The following CLPB variants were observed in gnomAD, a reference collection of about 807,000 sequenced individuals.
The protein encoded by CLPB is ClpB family mitochondrial disaggregase.
CLPB carries 40 observed loss-of-function variants against 78.4 expected under a neutral mutation model. That is an observed-to-expected ratio of 0.51 (90% confidence interval 0.40 to 0.66). CLPB has a LOEUF of 0.66. CLPB is among the 30% of genes least tolerant of loss of function. The pLI, the probability that CLPB is intolerant of heterozygous loss-of-function variation, is 0.00. For missense variants in CLPB, 780 were observed against 886.9 expected (o/e 0.88, Z 1.53); for synonymous variants, 333 against 348.0 (o/e 0.96, Z 0.48).
intron 3 of CLPB, among the ~76,000 whole-genome samples, chr11:72,385,587 C>T (rs1208352918): frequency 6.6e-6 from 1 of 152,176 alleles, no homozygotes; most frequent in Non-Finnish European, 1.5e-5. Flanking sequence ...CTTTGGGAGG[C>T]CAAGATAGCT....
rs76888374 is a variant in CLPB at position 72,303,439 on chromosome 11, G to A, written c.1123-1091C>T. Among the ~76,000 whole-genome samples, 475 of 152,336 alleles carry A rather than the reference G, an allele frequency of 3.1e-3. 5 individuals are homozygous for A. The highest frequency in any genetic ancestry group is 0.011 in the African/African-American group (454 of 41,580). ...CTACAGCTGAGACACAGGGTGGCAA[G>A]AAGAACCCTGGGCTGGGAGCCAGGG... On this transcript the variant is annotated intron_variant, in intron 9 of 15. Transcript: ENST00000538039.
At chr11:72,352,340 T>C (rs1177812922) in intron 5 of CLPB, 2 of 152,252 alleles carry the variant, frequency 1.3e-5, no homozygotes, top group East Asian at 1.9e-4. Context: ...TGATTTTCCA[T>C]TGCAGGATAA....
chr11:72,401,503 G>A (rs559118288), intron 3 of CLPB, among the ~76,000 whole-genome samples: 1 of 152,242 alleles, frequency 6.6e-6, no homozygotes, highest in African/African-American at 2.4e-5. Flanking sequence ...TGGAGCTAAA[G>A]AGAGCAAATC....
At chr11:72,348,967 G>A (rs555401842) in intron 5 of CLPB, among the ~76,000 whole-genome samples, 31 of 152,346 alleles carry the variant, frequency 2.0e-4, no homozygotes, top group South Asian at 1.0e-3. Context: ...AGAACTACAT[G>A]TTATGGTAAA....
At chr11:72,402,722 T>C (rs572283196) in intron 3 of CLPB, among the ~76,000 whole-genome samples, 3 of 152,304 alleles carry the variant, frequency 2.0e-5, no homozygotes, top group Admixed American at 2.0e-4. Context: ...GCTACAACAA[T>C]GCAAATGACG....
chr11:72,293,983 G>A (rs1039286323), intron 15 of CLPB, 39 bp downstream of exon 15: 1 of 1,555,050 alleles, frequency 6.4e-7, no homozygotes, highest in Non-Finnish European at 8.8e-7. Context: ...TGGGGAGGGA[G>A]GTGTGGAGGC....
intron 3 of CLPB, among the ~76,000 whole-genome samples, chr11:72,388,196 G>A (rs1855140940): frequency 6.6e-6 from 1 of 151,770 alleles, no homozygotes; most frequent in Non-Finnish European, 1.5e-5. Context: ...GCCAAAGAGG[G>A]TAAGCATCCA....
intron 2 of CLPB, among the ~76,000 whole-genome samples, chr11:72,413,072 T>C (rs1195854918): frequency 6.6e-6 from 1 of 152,124 alleles, no homozygotes; most frequent in African/African-American, 2.4e-5. Flanking sequence ...GCGAGTCACC[T>C]GAGGTCGGGA....
intron 5 of CLPB, among the ~76,000 whole-genome samples, chr11:72,344,991 C>T (rs61893851): frequency 5.3e-4 from 80 of 152,298 alleles, no homozygotes; most frequent in Admixed American, 1.0e-3. Flanking sequence ...TACTATGTCT[C>T]ACCTTCATAT....
intron 2 of CLPB, among the ~76,000 whole-genome samples, chr11:72,404,041 G>A (rs1432277551): frequency 5.9e-5 from 9 of 152,132 alleles, no homozygotes; most frequent in African/African-American, 2.2e-4. Flanking sequence ...TTAAGGTCAC[G>A]CAGCTAGTTA....
At position 72,380,383 on chromosome 11, in the gene CLPB, C is replaced by T; in HGVS notation, c.544G>A (p.Val182Met). ...MVAAINRNNS[V>M]VQVLLAAGAD... ...CCAGCAGCAAGCAGGACCTGTACCA[C>T]ACTAGAAGAAATCACAAAGACAGAA... is the stretch of plus-strand genomic sequence containing the variant. Residue 182 changes from valine to methionine, a missense_variant and splice_region_variant, in exon 4 of 16, where the codon GTG becomes ATG. Physicochemically the swap from Val to Met is conservative, Grantham distance 21. Coordinates refer to ENST00000538039, the MANE Select transcript of CLPB (RefSeq NM_001258392.3). 3.7e-6 allele frequency: 6 copies of T among 1,613,260 alleles called. No homozygotes were observed. The highest frequency in any genetic ancestry group is 3.4e-6 in the Non-Finnish European group (4 of 1,179,220).
In CLPB at chr11:72,301,880, T is replaced by G; in HGVS notation, c.1252A>C (p.Asn418His). Residue 418 changes from asparagine (N) to histidine (H), a missense_variant, in exon 11 of 16, where the codon AAT (asparagine) becomes CAT (histidine). Asn to His is a moderately conservative substitution (Grantham distance 68). This residue lies in a region of CLPB where 91 missense variants were observed against 168.2 expected (regional missense o/e 0.54). Transcript: ENST00000538039. ...ACTTCATCAAAGAGCACCACAGCAT[T>G]GGGGCACTGCTTCAACTTCTTGGTC... ...QLTKKLKQCP[N>H]AVVLFDEVDK... is the part of the protein sequence containing the mutation. 1 of 1,614,158 alleles carries G rather than the reference T, an allele frequency of 6.2e-7. No individual in the cohort carries two copies.
chr11:72,337,979 T>G (rs1470821458), intron 5 of CLPB, among the ~76,000 whole-genome samples: 1 of 152,170 alleles, frequency 6.6e-6, no homozygotes. Flanking sequence ...AACCCCCCAG[T>G]GGACATGCTC....
Position 72,434,289 on chromosome 11 carries a change from C to G in CLPB, c.186G>C (p.Leu62Phe), listed in dbSNP as rs2135182181. 1 of 1,612,852 alleles carries G rather than the reference C, an allele frequency of 6.2e-7. No homozygotes were observed. The highest frequency in any genetic ancestry group is 8.5e-7 in the Non-Finnish European group (1 of 1,179,776). Residue 62 changes from leucine to phenylalanine, a missense_variant, in exon 1 of 16, where the codon TTG becomes TTC. Physicochemically the swap from Leu to Phe is conservative, Grantham distance 22. Around this residue, in one of 3 missense-constraint regions of CLPB, gnomAD observed 417 missense variants for 414.7 expected, o/e 1.01. Transcript: ENST00000538039. ...TGGRPGTSPA[L>F]FSGRGAATGG... ...CGGTGGCTGCCCCACGTCCGGAGAA[C>G]AAGGCCGGCGATGTTCCAGGGCGCC...
At chr11:72,433,627 G>A (rs972754223) in intron 1 of CLPB, among the ~76,000 whole-genome samples, 1 of 152,034 alleles carries the variant, frequency 6.6e-6, no homozygotes, top group Non-Finnish European at 1.5e-5. Context: ...GAGTCAGGTT[G>A]TTCCTGACTC....
intron 14 of CLPB, 79 bp from the exon 15 acceptor site, chr11:72,294,205 G>A: frequency 6.2e-7 from 1 of 1,605,324 alleles, no homozygotes; most frequent in African/African-American, 1.3e-5. Flanking sequence ...TGAGGCCAGG[G>A]CCACTGGCCC....
At chr11:72,408,241 T>C in intron 2 of CLPB, 1 of 1,418,394 alleles carries the variant, frequency 7.1e-7, no homozygotes, top group South Asian at 1.2e-5. Context: ...GACCCTGGAG[T>C]CCAAAGGCTG....
Position 72,434,213 on chromosome 11 carries a change from AAGTGGC to A in CLPB, c.256_261del (p.Ala86_Thr87del), listed in dbSNP as rs1565108155. 5 of 1,613,530 alleles carry A rather than the reference AAGTGGC, an allele frequency of 3.1e-6. No individual in the cohort carries two copies. The highest frequency in any genetic ancestry group is 3.4e-6 in the Non-Finnish European group (4 of 1,179,972). ...TCTTCGGGACCAGGAAGGCGTCCCC[AAGTGGC>A]AGCCGCGAGGCATTTGGTATCGAAG... is the stretch of plus-strand genomic sequence containing the variant. On this transcript the variant is annotated inframe_deletion, in exon 1 of 16. Transcript: ENST00000538039.
chr11:72,424,896 A>C (rs987498815), intron 2 of CLPB, among the ~76,000 whole-genome samples: 1 of 151,926 alleles, frequency 6.6e-6, no homozygotes, highest in Non-Finnish European at 1.5e-5. Flanking sequence ...AAAAAAAACA[A>C]AACAAAACAA....
Sources: allele counts gnomAD v4.1 joint callset (sites outside exome capture counted in the v4.1 genomes callset), GRCh38; gene constraint gnomAD v4.1.1; regional missense constraint gnomAD v4.1.1; transcripts MANE v1.5; gene names NCBI Gene and HGNC (gene_info 2026-07-23, HGNC 2026-07-21).